Variants in CENPE observed in about 807,000 individuals in gnomAD.
The protein encoded by CENPE is centromere-associated protein E.
A neutral mutation model predicts 336.1 loss-of-function variants in CENPE; 145 were observed. That is an observed-to-expected ratio of 0.43 (90% CI 0.38 to 0.50). CENPE has a LOEUF of 0.50. Ranked by LOEUF, CENPE falls within the 20% of genes least tolerant of loss-of-function variation. The pLI, the probability that CENPE is intolerant of heterozygous loss-of-function variation, is 0.00. For missense variants in CENPE, 2,719 were observed against 3,023.3 expected, an observed-to-expected ratio of 0.90 and a Z score of 2.36; for synonymous variants, 1,013 against 984.8, an observed-to-expected ratio of 1.03 and a Z score of -0.54.
chr4:103,111,053 T>C, intron 46 of CENPE, 42 bp from the exon 47 acceptor site: 1 of 1,392,110 alleles, frequency 7.2e-7, no homozygotes, highest in Non-Finnish European at 9.8e-7. Context: ...ATTTTAATTG[T>C]CTCCAAAGTT....
chr4:103,197,820 T>C (rs963955409), intron 1 of CENPE, among the ~76,000 whole-genome samples: 5 of 152,230 alleles, frequency 3.3e-5, no homozygotes, highest in African/African-American at 7.2e-5. Flanking sequence ...TTGATAAATA[T>C]TTGTAGAATG....
chr4:103,134,038 C>A, intron 40 of CENPE, 146 bp from the exon 41 acceptor site: 1 of 648,046 alleles, frequency 1.5e-6, no homozygotes, highest in Non-Finnish European at 2.7e-6. Context: ...GAGCTTCTCT[C>A]TATCCCCAGT....
At chr4:103,192,166 A>AT (rs1578698738) in intron 8 of CENPE, among the ~76,000 whole-genome samples, 1 of 152,136 alleles carries the variant, frequency 6.6e-6, no homozygotes, top group African/African-American at 2.4e-5. Flanking sequence ...CTCTGTGGAG[A>AT]TTTTTGAGAC....
At chr4:103,172,838 T>C (rs913302963) in intron 16 of CENPE, among the ~76,000 whole-genome samples, 23 of 151,928 alleles carry the variant, frequency 1.5e-4, no homozygotes, top group African/African-American at 5.6e-4. Context: ...AAATGAAAAC[T>C]ATAAAACGTT....
chr4:103,158,322 G>A lies in CENPE; in HGVS notation c.3011C>T (p.Thr1004Ile). The change falls in exon 24 of 49, where the codon ACT (threonine) becomes ATT (isoleucine). Residue 1004 changes from threonine to isoleucine, a missense_variant. Physicochemically the swap from Thr to Ile is moderately conservative, Grantham distance 89. Around this residue, in one of 5 missense-constraint regions of CENPE, gnomAD observed 2,437 missense variants for 2,513.3 expected, o/e 0.97. Transcript: ENST00000265148. ...NLHMEENTGETKDEFQQKMVG... is the reference protein window; with the variant it reads ...NLHMEENTGEIKDEFQQKMVG... Reference sequence around the variant, plus strand: ...TACCTTTTGCTGAAATTCATCTTTAGTTTCTCCTGTATTTTCCTCCATATG... The same window carrying A: ...TACCTTTTGCTGAAATTCATCTTTAATTTCTCCTGTATTTTCCTCCATATG... The A allele has an allele frequency of 6.2e-7, 1 of 1,606,154 alleles. No homozygotes were observed. Among genetic ancestry groups the A allele is most frequent in the Non-Finnish European group, 8.5e-7 (1 of 1,177,174 alleles).
Position 103,153,114 on chromosome 4 carries a change from T to C in CENPE, c.3170A>G (p.Gln1057Arg). The change falls in exon 25 of 49, where the codon CAA (glutamine) becomes CGA (arginine). Residue 1057 changes from glutamine (Q) to arginine (R), a missense_variant. Around this residue, in one of 5 missense-constraint regions of CENPE, gnomAD observed 2,437 missense variants for 2,513.3 expected, o/e 0.97. Coordinates refer to ENST00000265148, the MANE Select transcript of CENPE (RefSeq NM_001813.3). ...TTCTGCTATAACACTCTCTAACATTTGTTGGAGTTCATTTTTCTCCTGTAT... is the reference window on the plus strand; with the variant it reads ...TTCTGCTATAACACTCTCTAACATTCGTTGGAGTTCATTTTTCTCCTGTAT... ...SLIQEKNELQ[Q>R]MLESVIAEKE... is the part of the protein sequence containing the mutation. 2 of 1,613,234 alleles carry C rather than the reference T, an allele frequency of 1.2e-6. No homozygotes were observed. Among genetic ancestry groups the C allele is most frequent in the Non-Finnish European group, 1.7e-6 (2 of 1,179,582 alleles).
intron 31 of CENPE, 48 bp from the exon 32 acceptor site, chr4:103,145,382 C>A: frequency 8.8e-7 from 1 of 1,130,216 alleles, no homozygotes; most frequent in Non-Finnish European, 1.3e-6. Flanking sequence ...AATATGTAAA[C>A]ACACACACAC....
At position 103,174,906 on chromosome 4, in the gene CENPE, A is replaced by G. The variant is rs60151877; in HGVS notation, c.1480-3T>C. The stretch of plus-strand genomic sequence containing the variant: ...TTCAACTCACTTTCTATATTCTCCT[A>G]TTATAAACAAGAACAGATTTTCCAA... On this transcript the variant is annotated splice_region_variant and splice_polypyrimidine_tract_variant and intron_variant, in intron 15 of 48. Coordinates refer to ENST00000265148, the MANE Select transcript of CENPE (RefSeq NM_001813.3). The G allele has an allele frequency of 0.013, 18,302 of 1,437,956 alleles. 1,858 individuals carry two copies. The African/African-American group carries it at 0.23, about 18-fold the overall frequency. 89.1% of individuals were successfully genotyped at this position (1,437,956 alleles called of 1,614,324 possible).
rs563843733 is a variant in CENPE at position 103,114,490 on chromosome 4, T to G, written c.7505A>C (p.Asn2502Thr). 1 of 1,611,888 alleles carries G rather than the reference T, an allele frequency of 6.2e-7. No homozygotes were observed. The highest frequency in any genetic ancestry group is 1.7e-5 in the Admixed American group (1 of 60,026). The change falls in exon 46 of 49, where the codon AAT (asparagine) becomes ACT (threonine). Residue 2502 changes from asparagine to threonine, a missense_variant. Physicochemically the swap from Asn to Thr is moderately conservative, Grantham distance 65. This residue lies in a region of CENPE where 2,437 missense variants were observed against 2,513.3 expected (regional missense o/e 0.97). Transcript: ENST00000265148. Reference protein sequence around the residue: ...QKEVIRLLRENLRRSQQAQDT... With the variant: ...QKEVIRLLRETLRRSQQAQDT... ...TTGGGCCTGTTGACTTCTTCTGAGA[T>G]TTTCTCTCAATAGCCTTATAACTTC... is the stretch of plus-strand genomic sequence containing the variant.
chr4:103,144,918 T>C lies in CENPE; in HGVS notation c.4857+132A>G, dbSNP rs1401625262. On this transcript the variant is annotated intron_variant, in intron 32 of 48. Coordinates refer to ENST00000265148, the MANE Select transcript of CENPE (RefSeq NM_001813.3). ...TGGTACTCAGTTGAATATAAGCAGT[T>C]TTTGATTCCTCTTTTATTTCCGGTC... The C allele has an allele frequency of 3.6e-6, 3 of 829,570 alleles. No homozygotes were observed. The East Asian group carries it at 8.3e-5, about 23-fold the overall frequency. 51.4% of individuals were successfully genotyped at this position (829,570 alleles called of 1,614,324 possible). A position where few individuals can be genotyped will look rare whatever the true frequency, so the allele number is the denominator to read the frequency against.
intron 8 of CENPE, among the ~76,000 whole-genome samples, chr4:103,188,153 C>G (rs1346177834): frequency 6.6e-6 from 1 of 151,888 alleles, no homozygotes; most frequent in East Asian, 1.9e-4. Flanking sequence ...AGCAAGTCCT[C>G]AGAGACCTAC....
In CENPE at chr4:103,144,462, G is replaced by C. The variant is rs1236661838; in HGVS notation, c.5014C>G (p.Gln1672Glu). ...NIETENIRLT[Q>E]ILHENLEEMR... ...TCTTCAAGGTTTTCATGTAGTATCT[G>C]AGTCAACCTTATATTCTCCGTTTCT... The change falls in exon 33 of 49, where the codon CAG (glutamine) becomes GAG (glutamate). Residue 1672 changes from glutamine to glutamate, a missense_variant. Physicochemically the swap from Gln to Glu is conservative, Grantham distance 29. Transcript: ENST00000265148. 3 of 1,614,044 alleles carry C rather than the reference G, an allele frequency of 1.9e-6. No individual in the cohort carries two copies. Among genetic ancestry groups the C allele is most frequent in the Non-Finnish European group, 2.5e-6 (3 of 1,179,984 alleles).
At chr4:103,134,370 C>T (rs1751875811) in intron 40 of CENPE, among the ~76,000 whole-genome samples, 1 of 152,050 alleles carries the variant, frequency 6.6e-6, no homozygotes, top group South Asian at 2.1e-4. Flanking sequence ...CATGGTGGCT[C>T]ATGCCTGTAA....
chr4:103,145,256 T>C lies in CENPE; in HGVS notation c.4651A>G (p.Lys1551Glu), dbSNP rs200831788. 2.5e-6 allele frequency: 4 copies of C among 1,612,664 alleles called. No homozygotes were observed. Among genetic ancestry groups the C allele is most frequent in the Non-Finnish European group, 2.5e-6 (3 of 1,179,008 alleles). Residue 1551 changes from lysine (K) to glutamate (E), a missense_variant, in exon 32 of 49, where the codon AAA (lysine) becomes GAA (glutamate). Physicochemically the swap from Lys to Glu is moderately conservative, Grantham distance 56. Transcript: ENST00000265148. ...SEVQEKVNEL[K>E]QFKEHRKAKD... is the part of the protein sequence containing the mutation. ...GCTTTGCGATGCTCCTTGAATTGTTTCAGTTCATTCACTTTTTCCTGAACC... is the reference window on the plus strand; with the variant it reads ...GCTTTGCGATGCTCCTTGAATTGTTCCAGTTCATTCACTTTTTCCTGAACC...
At chr4:103,176,345 T>TC (rs34639439) in intron 14 of CENPE, among the ~76,000 whole-genome samples, 5 of 151,836 alleles carry the variant, frequency 3.3e-5, no homozygotes, top group East Asian at 1.9e-4. Context: ...GATTTAAAAT[T>TC]CCCCCCCAAC....
At chr4:103,154,005 G>A (rs1011018219) in intron 24 of CENPE, among the ~76,000 whole-genome samples, 6 of 152,006 alleles carry the variant, frequency 3.9e-5, no homozygotes, top group Non-Finnish European at 8.8e-5. Flanking sequence ...AATAAGTCAC[G>A]ACCAAATGTA....
intron 25 of CENPE, among the ~76,000 whole-genome samples, chr4:103,152,077 A>C (rs555827820): frequency 6.6e-6 from 1 of 152,314 alleles, no homozygotes; most frequent in African/African-American, 2.4e-5. Context: ...CCTAAGTGTG[A>C]AAATATTGGC....
chr4:103,160,575 CA>C (rs1341177778), intron 21 of CENPE, 49 bp downstream of exon 21: 1 of 1,494,290 alleles, frequency 6.7e-7, no homozygotes. Context: ...ACTATTATCG[CA>C]AAGGTTTTTA....
chr4:103,167,399 A>G (rs1304626573), intron 16 of CENPE, among the ~76,000 whole-genome samples: 1 of 152,196 alleles, frequency 6.6e-6, no homozygotes. Context: ...GCACCAGGGA[A>G]AGAAACATGA....
Sources: gnomAD v4.1 joint callset for allele counts (sites outside exome capture counted in the v4.1 genomes callset) on GRCh38, gnomAD v4.1.1 for gene constraint, gnomAD v4.1.1 regional missense constraint, MANE v1.5 for transcripts, NCBI Gene and HGNC (gene_info 2026-07-23, HGNC 2026-07-21) for gene names.